NAALADL2: variants seen among roughly 807,000 people sequenced by gnomAD.
NAALADL2 encodes the protein N-acetylated alpha-linked acidic dipeptidase like 2.
NAALADL2 carries 76 observed loss-of-function variants against 87.2 expected under a neutral mutation model. The observed-to-expected ratio is 0.87, with a 90% CI of 0.72 to 1.05. The LOEUF (loss-of-function observed/expected upper bound fraction) is 1.05, where lower values mean the gene tolerates loss of function less well. Among genes scored for constraint, NAALADL2 ranks in the 50% least tolerant of loss-of-function variants. The probability of loss-of-function intolerance (pLI) is 0.00; values close to 1 mark genes in which losing one functional copy is unlikely to be tolerated. For synonymous variants in NAALADL2, 354 were observed against 331.0 expected (o/e 1.07, Z -0.75); for missense variants, 1,089 against 945.8 (o/e 1.15, Z -1.99).
At chr3:175,461,683 T>G (rs547652830) in intron 6 of NAALADL2, among the ~76,000 whole-genome samples, 4 of 152,258 alleles carry the variant, frequency 2.6e-5, no homozygotes, top group Admixed American at 2.6e-4. Context: ...TAGACAAAAA[T>G]ATATTGAATT....
At chr3:175,385,758 A>G (rs1287653077) in intron 5 of NAALADL2, among the ~76,000 whole-genome samples, 4 of 152,252 alleles carry the variant, frequency 2.6e-5, no homozygotes, top group African/African-American at 7.2e-5. Context: ...ATATGTATCA[A>G]TGAAAAACAA....
At chr3:175,354,857 T>TATAC (rs1185957598) in intron 5 of NAALADL2, among the ~76,000 whole-genome samples, 2 of 141,094 alleles carry the variant, frequency 1.4e-5, no homozygotes, top group Admixed American at 7.3e-5. Flanking sequence ...TATAGGGCAC[T>TATAC]ATACATACAT....
intron 2 of NAALADL2, among the ~76,000 whole-genome samples, chr3:174,573,210 CAGTCTGGGGAAGAA>C (rs1253815818): frequency 6.6e-6 from 1 of 152,154 alleles, no homozygotes; most frequent in Non-Finnish European, 1.5e-5. Flanking sequence ...TCACAGCTGG[CAGTCTGGGGAAGAA>C]AGTCTTGAAC....
At chr3:175,285,100 T>TTTTCTAGA (rs1754823216) in intron 4 of NAALADL2, among the ~76,000 whole-genome samples, 2 of 152,188 alleles carry the variant, frequency 1.3e-5, no homozygotes, top group Admixed American at 1.3e-4. Flanking sequence ...GAAATATTTG[T>TTTTCTAGA]TTTCTAGATT....
In NAALADL2 at chr3:175,326,032, C is replaced by G. The variant is rs892630799; in HGVS notation, c.1090+1707C>G. 6.8e-4 allele frequency among the ~76,000 whole-genome samples: 104 copies of G among 152,140 alleles called. 2 individuals are homozygous for G. Among genetic ancestry groups the G allele is most frequent in the Admixed American group, 6.6e-3 (101 of 15,272 alleles). On this transcript the variant is annotated intron_variant, in intron 5 of 13. Transcript: ENST00000454872. ...TTTAATTAAAAATTCCATTTTAAAA[C>G]ATTTTTCACTTCTTTCATTTTACTG...
chr3:175,163,746 T>C (rs1733577611), intron 2 of NAALADL2, among the ~76,000 whole-genome samples: 2 of 152,336 alleles, frequency 1.3e-5, no homozygotes, highest in South Asian at 4.1e-4. Context: ...GTGGTAGAGC[T>C]ACATAGTTCT....
chr3:175,355,125 G>C (rs1006293835), intron 5 of NAALADL2, among the ~76,000 whole-genome samples: 1 of 150,476 alleles, frequency 6.6e-6, no homozygotes, highest in Non-Finnish European at 1.5e-5. Flanking sequence ...CTGGAGTGCA[G>C]TTGCATGATC....
chr3:175,550,096 C>T (rs13072281), intron 9 of NAALADL2, among the ~76,000 whole-genome samples: 7 of 152,048 alleles, frequency 4.6e-5, no homozygotes, highest in African/African-American at 1.4e-4. Context: ...ATCACCTATA[C>T]GGTTTTAAAT....
At chr3:175,729,047 T>C (rs1261619212) in intron 11 of NAALADL2, among the ~76,000 whole-genome samples, 1 of 152,206 alleles carries the variant, frequency 6.6e-6, no homozygotes, top group Non-Finnish European at 1.5e-5. Flanking sequence ...TATATGTGTA[T>C]GGTGTCGTTA....
chr3:175,191,632 T>G (rs902476980), intron 2 of NAALADL2, among the ~76,000 whole-genome samples: 4 of 152,136 alleles, frequency 2.6e-5, no homozygotes, highest in African/African-American at 7.2e-5. Context: ...CTGTCAAGGA[T>G]ATTAGGAGAG....
intron 5 of NAALADL2, among the ~76,000 whole-genome samples, chr3:175,383,305 A>C (rs185569406): frequency 6.6e-6 from 1 of 152,152 alleles, no homozygotes; most frequent in Admixed American, 6.5e-5. Context: ...TTATTAAGTA[A>C]CAAATAATTT....
At chr3:175,616,505 T>C (rs1338588652) in intron 10 of NAALADL2, among the ~76,000 whole-genome samples, 2 of 152,094 alleles carry the variant, frequency 1.3e-5, no homozygotes, top group Admixed American at 6.5e-5. Flanking sequence ...AAGAGCCAGC[T>C]AGAAGAGATT....
At chr3:175,315,482 G>A (rs542860805) in intron 4 of NAALADL2, among the ~76,000 whole-genome samples, 6 of 152,218 alleles carry the variant, frequency 3.9e-5, no homozygotes, top group Non-Finnish European at 5.9e-5. Flanking sequence ...ATAAATTTAT[G>A]TAATATTTAA....
At chr3:174,799,629 G>A (rs1418604426) in intron 3 of NAALADL2, among the ~76,000 whole-genome samples, 1 of 152,182 alleles carries the variant, frequency 6.6e-6, no homozygotes, top group Non-Finnish European at 1.5e-5. Flanking sequence ...TCAGCAGTGT[G>A]AAAATGGACT....
Position 175,096,949 on chromosome 3 carries a change from G to A in NAALADL2, c.203G>A (p.Gly68Asp), listed in dbSNP as rs752891844. 1 of 1,613,334 alleles carries A rather than the reference G, an allele frequency of 6.2e-7. No homozygotes were observed. Among genetic ancestry groups the A allele is most frequent in the Non-Finnish European group, 8.5e-7 (1 of 1,179,644 alleles). ...ESGFDQFQLD[G>D]AENQNLGHSE... ...GGTTTTGACCAATTCCAGCTAGACG[G>A]TGCTGAGAATCAGAACCTAGGGCAT... The change falls in exon 2 of 14, where the codon GGT (glycine) becomes GAT (aspartate). Residue 68 changes from glycine (G) to aspartate (D), a missense_variant. Gly to Asp is a moderately conservative substitution (Grantham distance 94, BLOSUM62 -1). Coordinates refer to ENST00000454872, the MANE Select transcript of NAALADL2 (RefSeq NM_207015.3).
At chr3:174,621,300 A>G (rs998319540) in intron 2 of NAALADL2, among the ~76,000 whole-genome samples, 1 of 152,114 alleles carries the variant, frequency 6.6e-6, no homozygotes, top group Non-Finnish European at 1.5e-5. Context: ...AAAATTTTTT[A>G]TCGCACAAGT....
At chr3:174,820,909 A>G (rs968817906) in intron 3 of NAALADL2, among the ~76,000 whole-genome samples, 1 of 152,180 alleles carries the variant, frequency 6.6e-6, no homozygotes, top group Admixed American at 6.5e-5. Flanking sequence ...TATTTTTCAC[A>G]GAAAGCCTCG....
intron 2 of NAALADL2, among the ~76,000 whole-genome samples, chr3:174,608,594 C>T (rs1250795818): frequency 7.9e-5 from 12 of 151,954 alleles, no homozygotes; most frequent in African/African-American, 1.9e-4. Flanking sequence ...ACACATACAC[C>T]CTCCCAAGAC....
intron 1 of NAALADL2, among the ~76,000 whole-genome samples, chr3:174,982,258 G>A (rs1745223051): frequency 6.6e-6 from 1 of 152,064 alleles, no homozygotes; most frequent in Admixed American, 6.5e-5. Context: ...AATTTACTGA[G>A]TATCTACCTT....
Sources: gnomAD v4.1 joint callset for allele counts (sites outside exome capture counted in the v4.1 genomes callset) on GRCh38, gnomAD v4.1.1 for gene constraint, MANE v1.5 for transcripts, NCBI Gene and HGNC (gene_info 2026-07-23, HGNC 2026-07-21) for gene names.